Variants in GET4 observed in about 807,000 individuals in gnomAD.
GET4 encodes the protein guided entry of tail-anchored proteins factor 4.
A neutral mutation model predicts 40.0 loss-of-function variants in GET4; 20 were observed. The observed-to-expected ratio is 0.50, with a 90% CI of 0.35 to 0.73. GET4 has a LOEUF of 0.73. Among genes scored for constraint, GET4 ranks in the 30% least tolerant of loss-of-function variants. GET4 has a pLI of 0.01. For synonymous variants in GET4, 280 were observed against 194.6 expected (o/e 1.44, Z -3.65); for missense variants, 557 against 454.0 (o/e 1.23, Z -2.06).
rs537557375 is a variant in GET4 at position 893,331 on chromosome 7, G to A, written c.747-409G>A. 1.3e-3 allele frequency among the ~76,000 whole-genome samples: 176 copies of A among 134,174 alleles called. 3 individuals carry two copies. The highest frequency in any genetic ancestry group is 3.9e-3 in the South Asian group (15 of 3,824). 88.0% of individuals were successfully genotyped at this position (134,174 alleles called of 152,430 possible). ...TGGTGTGTGCAGGTGAGTGTTGGGCGCGGGCGTGGTGGTGGTTGCAGGTGA... is the reference window on the plus strand; with the variant it reads ...TGGTGTGTGCAGGTGAGTGTTGGGCACGGGCGTGGTGGTGGTTGCAGGTGA... On this transcript the variant is annotated intron_variant, in intron 6 of 8. Coordinates refer to ENST00000265857, the MANE Select transcript of GET4 (RefSeq NM_015949.3).
At chr7:886,195 A>C in intron 2 of GET4, 61 bp downstream of exon 2, 6 of 1,075,414 alleles carry the variant, frequency 5.6e-6, no homozygotes, top group Non-Finnish European at 8.7e-6. Flanking sequence ...TGGAGGTGGG[A>C]ATGACCTCCC....
Position 893,793 on chromosome 7 carries a change from G to T in GET4, c.800G>T (p.Arg267Leu), listed in dbSNP as rs140715950. The T allele has an allele frequency of 3.1e-6, 5 of 1,611,434 alleles. No homozygotes were observed. Among genetic ancestry groups the T allele is most frequent in the Admixed American group, 1.7e-5 (1 of 59,950 alleles). Residue 267 changes from arginine to leucine, a missense_variant, in exon 7 of 9, where the codon CGG (arginine) becomes CTG (leucine). Arg to Leu is a moderately radical substitution (Grantham distance 102). Transcript: ENST00000265857. ...VLCEQYQPSL[R>L]RDPMYNEYLD... is the part of the protein sequence containing the mutation. Reference sequence around the variant, plus strand: ...TGTGAGCAGTACCAGCCATCCCTCCGGCGGGACCCCATGTACAACGAGGTG... The same window carrying T: ...TGTGAGCAGTACCAGCCATCCCTCCTGCGGGACCCCATGTACAACGAGGTG...
In GET4 at chr7:893,987, C is replaced by G. The variant is rs1396400407; in HGVS notation, c.895+16C>G. The G allele has an allele frequency of 6.4e-7, 1 of 1,552,010 alleles. No homozygotes were observed. Among genetic ancestry groups the G allele is most frequent in the East Asian group, 2.3e-5 (1 of 43,766 alleles). On this transcript the variant is annotated intron_variant, in intron 8 of 8. Coordinates refer to ENST00000265857, the MANE Select transcript of GET4 (RefSeq NM_015949.3). ...GGCCTGCTCGGTAAGCCGGGGCGCC[C>G]TTGTCACACCCACTCCAGCCCTGGG...
At chr7:883,481 T>C in intron 1 of GET4, 1 of 983,766 alleles carries the variant, frequency 1.0e-6, no homozygotes, top group Non-Finnish European at 1.2e-6. Flanking sequence ...TTAATGTTTT[T>C]GTAAGAGAAG....
chr7:876,958 C>T (rs1030785910), intron 1 of GET4, among the ~76,000 whole-genome samples, 158 bp downstream of exon 1: 4 of 151,684 alleles, frequency 2.6e-5, no homozygotes, highest in Non-Finnish European at 5.9e-5. Context: ...AGGGTCTGGG[C>T]CGCGTCTCCG....
intron 1 of GET4, 95 bp downstream of exon 1, chr7:876,895 C>A: frequency 1.6e-6 from 1 of 627,894 alleles, no homozygotes; most frequent in Non-Finnish European, 2.1e-6. Flanking sequence ...TGGGCCGCGC[C>A]GCTGCCCGTC....
chr7:886,228 G>A, intron 2 of GET4, 94 bp downstream of exon 2: 2 of 839,972 alleles, frequency 2.4e-6, no homozygotes, highest in Non-Finnish European at 4.1e-6. Flanking sequence ...GGGCAACCTT[G>A]CGCTGCCCTG....
At chr7:886,701 G>A (rs1387782085) in intron 3 of GET4, 51 bp downstream of exon 3, 4 of 1,179,588 alleles carry the variant, frequency 3.4e-6, no homozygotes, top group Non-Finnish European at 3.8e-6. Flanking sequence ...GCCCCAGTAC[G>A]CCCCTCCCCG....
chr7:893,862 G>T (rs1405103746), intron 7 of GET4, 37 bp from the exon 8 acceptor site: 1 of 1,610,352 alleles, frequency 6.2e-7, no homozygotes, highest in Admixed American at 1.7e-5. Context: ...CACGGTCTGG[G>T]TCCACCCCCT....
Position 886,129 on chromosome 7 carries a change from G to A in GET4, c.229G>A (p.Gly77Ser). 6.2e-7 allele frequency: 1 copy of A among 1,601,204 alleles called. No individual in the cohort carries two copies. ...YSGALLFFSH[G>S]QQNSAADLSM... Reference sequence around the variant, plus strand: ...GGGAGCCCTGCTCTTCTTCAGCCATGGCCAGGTAAGCCGTCTTGCTTCCTC... The same window carrying A: ...GGGAGCCCTGCTCTTCTTCAGCCATAGCCAGGTAAGCCGTCTTGCTTCCTC... The change falls in exon 2 of 9, where the codon GGC (glycine) becomes AGC (serine). Residue 77 changes from glycine to serine, a missense_variant. Gly to Ser is a moderately conservative substitution (Grantham distance 56, BLOSUM62 0). Transcript: ENST00000265857.
At chr7:891,605 C>G (rs1442040017) in intron 5 of GET4, among the ~76,000 whole-genome samples, 1 of 152,218 alleles carries the variant, frequency 6.6e-6, no homozygotes, top group African/African-American at 2.4e-5. Flanking sequence ...CTGGCCTTCG[C>G]TTCCTTTCTC....
chr7:893,873 C>G, intron 7 of GET4, 26 bp from the exon 8 acceptor site: 2 of 1,611,904 alleles, frequency 1.2e-6, no homozygotes, highest in Non-Finnish European at 1.7e-6. Flanking sequence ...TCCACCCCCT[C>G]TGAGCCCGCT....
chr7:884,137 G>A (rs1844140576), intron 1 of GET4: 2 of 1,245,848 alleles, frequency 1.6e-6, no homozygotes, highest in African/African-American at 1.6e-5. Context: ...ACCTCAGATA[G>A]AAGCATCCAG....
rs1844481909 is a variant in GET4 at position 896,041 on chromosome 7, C to T, written c.*619C>T. 6.6e-6 allele frequency: 1 copy of T among 152,204 alleles called. No homozygotes were observed. The highest frequency in any genetic ancestry group is 2.4e-5 in the African/African-American group (1 of 41,456). The allele number at this position is 152,204 out of a possible 1,614,324, so 9.4% of individuals were successfully genotyped here. On this transcript the variant is annotated 3_prime_UTR_variant, in exon 9 of 9. Transcript: ENST00000265857. Reference sequence around the variant, plus strand: ...CTTGCAGCTGTGTCCCATGTGGCATCCCAGAGCTGCGCCCTGCTGGTCTCT... The same window carrying T: ...CTTGCAGCTGTGTCCCATGTGGCATTCCAGAGCTGCGCCCTGCTGGTCTCT...
chr7:886,356 C>T (rs1562894747), intron 2 of GET4: 2 of 605,074 alleles, frequency 3.3e-6, no homozygotes, highest in Non-Finnish European at 5.9e-6. Context: ...GCTGAGAGGG[C>T]GTTGTGTTGG....
intron 1 of GET4, chr7:884,555 G>C (rs1162125777): frequency 6.0e-6 from 2 of 332,884 alleles, no homozygotes; most frequent in East Asian, 8.4e-5. Context: ...GCGGTCTCCT[G>C]TGGGGGGAGG....
intron 1 of GET4, 70 bp from the exon 2 acceptor site, chr7:885,986 C>T (rs1228677279): frequency 1.1e-6 from 1 of 942,392 alleles, no homozygotes; most frequent in African/African-American, 1.6e-5. Context: ...AGCTTCTGAC[C>T]TGAAGATGAG....
chr7:888,446 C>T (rs148688703), intron 4 of GET4, among the ~76,000 whole-genome samples: 4 of 152,240 alleles, frequency 2.6e-5, no homozygotes, highest in Non-Finnish European at 4.4e-5. Context: ...GGAGGCTCGG[C>T]GCCCTCAGGC....
chr7:892,828 A>AG (rs1447706779), intron 6 of GET4, among the ~76,000 whole-genome samples: 2 of 145,876 alleles, frequency 1.4e-5, no homozygotes, highest in East Asian at 4.2e-4. Context: ...GCGTATGTGC[A>AG]GGTGTTGCGT....
Sources: gnomAD v4.1 joint callset for allele counts (sites outside exome capture counted in the v4.1 genomes callset) on GRCh38, gnomAD v4.1.1 for gene constraint, MANE v1.5 for transcripts, NCBI Gene and HGNC (gene_info 2026-07-23, HGNC 2026-07-21) for gene names.